KRT86: variants seen among roughly 807,000 people sequenced by gnomAD.
KRT86 encodes the protein keratin 86, also known as keratin, type II cuticular Hb6.
KRT86 carries 30 observed loss-of-function variants against 41.2 expected under a neutral mutation model. That is an observed-to-expected ratio of 0.73 (90% CI 0.54 to 0.99). The LOEUF is 0.99. Among genes scored for constraint, KRT86 ranks in the 50% least tolerant of loss-of-function variants. The probability of loss-of-function intolerance (pLI) is 0.00; values close to 1 mark genes in which losing one functional copy is unlikely to be tolerated. For missense variants in KRT86, 561 were observed against 571.4 expected (o/e 0.98, Z 0.19); for synonymous variants, 238 against 238.1 (o/e 1.00, Z 0.00).
chr12:52,285,553 T>G (rs1267761338), intron 2 of KRT86, among the ~76,000 whole-genome samples: 1 of 152,204 alleles, frequency 6.6e-6, no homozygotes, highest in Non-Finnish European at 1.5e-5. Context: ...TTTGCAGATA[T>G]GCATGAGATG....
At chr12:52,288,212 C>T (rs897170212) in intron 2 of KRT86, 19 of 1,592,664 alleles carry the variant, frequency 1.2e-5, no homozygotes, top group African/African-American at 5.4e-5. Context: ...GTCCTGACTC[C>T]ACCTCCTCAG....
chr12:52,307,948 A>G (rs1938553944), intron 9 of KRT86, among the ~76,000 whole-genome samples: 1 of 152,182 alleles, frequency 6.6e-6, no homozygotes, highest in African/African-American at 2.4e-5. Context: ...AGTCCTCGCA[A>G]GAGATCTACG....
At chr12:52,285,757 A>C (rs1041238856) in intron 2 of KRT86, among the ~76,000 whole-genome samples, 4 of 152,224 alleles carry the variant, frequency 2.6e-5, no homozygotes, top group Non-Finnish European at 5.9e-5. Flanking sequence ...GGGGCCTAGC[A>C]CAACTCTTGG....
At position 52,295,071 on chromosome 12, in the gene KRT86, C is replaced by T. The variant is rs529470906; in HGVS notation, c.-4-6842C>T. On this transcript the variant is annotated intron_variant, in intron 2 of 10. Coordinates refer to ENST00000423955, the MANE Select transcript of KRT86 (RefSeq NM_001320198.2). ...ATTGAACAGAGCTGCTATGAACATC[C>T]TTTCTCATGTCTTCTGGTGCATTTA... Among the ~76,000 whole-genome samples the T allele has an allele frequency of 3.9e-5, 6 of 152,234 alleles. No homozygotes were observed. The South Asian group carries it at 1.2e-3, about 32-fold the overall frequency.
intron 2 of KRT86, chr12:52,291,681 G>A (rs988881327): frequency 1.5e-6 from 1 of 656,370 alleles, no homozygotes; most frequent in Non-Finnish European, 2.5e-6. Flanking sequence ...ATGGGGGAGT[G>A]GCCTGCACCC....
intron 2 of KRT86, chr12:52,287,918 A>G (rs1303463797): frequency 2.5e-6 from 4 of 1,613,254 alleles, no homozygotes; most frequent in African/African-American, 2.7e-5. Context: ...AAGGAAGCCT[A>G]TTTAATAGAT....
chr12:52,301,333 G>A (rs1938368211), intron 2 of KRT86, among the ~76,000 whole-genome samples: 2 of 152,064 alleles, frequency 1.3e-5, no homozygotes, highest in Non-Finnish European at 2.9e-5. Flanking sequence ...TCCCTGAGAA[G>A]GTGACTAAGT....
At chr12:52,282,799 T>A (rs903511462) in intron 2 of KRT86, among the ~76,000 whole-genome samples, 1 of 152,228 alleles carries the variant, frequency 6.6e-6, no homozygotes, top group African/African-American at 2.4e-5. Flanking sequence ...GTACCCACAC[T>A]GCACTCACAT....
chr12:52,305,495 C>G (rs1938489310), intron 7 of KRT86, 91 bp downstream of exon 7: 1 of 1,606,224 alleles, frequency 6.2e-7, no homozygotes, highest in Admixed American at 1.7e-5. Flanking sequence ...TGGGGATGCA[C>G]TAGGGATGAG....
At position 52,308,570 on chromosome 12, in the gene KRT86, C is replaced by T; in HGVS notation, c.1446C>T (p.Ser482=). Residue 482 remains serine (S), a synonymous_variant, in exon 11 of 11, where the codon AGC becomes AGT. Coordinates refer to ENST00000423955, the MANE Select transcript of KRT86 (RefSeq NM_001320198.2). ...CCCGGGTTGGCGTCTGCGGCGGCAGCTGTAAGAGGTGCTAGGAGGCTGCCG... is the reference window on the plus strand; with the variant it reads ...CCCGGGTTGGCGTCTGCGGCGGCAGTTGTAAGAGGTGCTAGGAGGCTGCCG... ...PSARVGVCGG[S]CKRC 1 of 1,598,728 alleles carries T rather than the reference C, an allele frequency of 6.3e-7. No individual in the cohort carries two copies. The highest frequency in any genetic ancestry group is 8.5e-7 in the Non-Finnish European group (1 of 1,179,706).
rs1260412917 is a variant in KRT86, at chr12:52,305,315, A to G, written c.811A>G (p.Met271Val). ...GCTGGACAACAGCCGGGACCTGAAC[A>G]TGGACTGCATCATTGCCGAGATCAA... ...VKLDNSRDLN[M>V]DCIIAEIKAQ... The change falls in exon 7 of 11, where the codon ATG (methionine) becomes GTG (valine). Residue 271 changes from methionine to valine, a missense_variant. Physicochemically the swap from Met to Val is conservative, Grantham distance 21 (BLOSUM62 1). This residue lies in a region of KRT86 where 397 missense variants were observed against 375.9 expected (regional missense o/e 1.06). Transcript: ENST00000423955. The G allele has an allele frequency of 2.5e-6, 4 of 1,614,242 alleles. No homozygotes were observed. The highest frequency in any genetic ancestry group is 2.5e-6 in the Non-Finnish European group (3 of 1,180,042).
intron 2 of KRT86, chr12:52,288,357 G>C (rs12812669): frequency 9.3e-6 from 15 of 1,613,608 alleles, no homozygotes; most frequent in African/African-American, 6.7e-5. Context: ...CCCTGAGCCC[G>C]CACCTCCTCA....
chr12:52,302,043 G>C lies in KRT86; in HGVS notation c.127G>C (p.Gly43Arg), dbSNP rs779794188. The C allele has an allele frequency of 3.1e-6, 5 of 1,608,034 alleles. No individual in the cohort carries two copies. Among genetic ancestry groups the C allele is most frequent in the Admixed American group, 1.7e-5 (1 of 59,654 alleles). Residue 43 changes from glycine (G) to arginine (R), a missense_variant, in exon 3 of 11, where the codon GGG becomes CGG. Physicochemically the swap from Gly to Arg is moderately radical, Grantham distance 125. Transcript: ENST00000423955. Reference sequence around the variant, plus strand: ...CATCTCCTGCTACCGCGGCCTCACCGGGGGCTTCGGCAGCCACAGCGTGTG... The same window carrying C: ...CATCTCCTGCTACCGCGGCCTCACCCGGGGCTTCGGCAGCCACAGCGTGTG... ...RGISCYRGLTGGFGSHSVCGG... is the reference protein window; with the variant it reads ...RGISCYRGLTRGFGSHSVCGG...
intron 2 of KRT86, chr12:52,286,314 A>G (rs1024142847): frequency 1.3e-6 from 2 of 1,554,440 alleles, no homozygotes; most frequent in Non-Finnish European, 1.7e-6. Context: ...ATACCACAGG[A>G]GCCCACGCCG....
chr12:52,285,628 C>T (rs1357641998), intron 2 of KRT86, among the ~76,000 whole-genome samples: 1 of 152,184 alleles, frequency 6.6e-6, no homozygotes, highest in Non-Finnish European at 1.5e-5. Context: ...GCTTAAACCC[C>T]AGATGAACCA....
rs573751348 is a variant in KRT86, at chr12:52,306,193, G to A, written c.1160G>A (p.Arg387Lys). 1.6e-4 allele frequency: 256 copies of A among 1,613,850 alleles called. 2 individuals are homozygous for A. The South Asian group carries it at 2.6e-3, about 17-fold the overall frequency. Residue 387 changes from arginine (R) to lysine (K), a missense_variant, in exon 9 of 11, where the codon AGG (arginine) becomes AAG (lysine). Arg to Lys is a conservative substitution (Grantham distance 26, BLOSUM62 2). This residue lies in a region of KRT86 where 397 missense variants were observed against 375.9 expected (regional missense o/e 1.06). Transcript: ENST00000423955. ...KAKQDMACLIREYQEVMNSKL... is the reference protein window; with the variant it reads ...KAKQDMACLIKEYQEVMNSKL... ...AAGCAGGACATGGCCTGCCTGATCA[G>A]GGAGTACCAGGAGGTGATGAACTCC... is the stretch of plus-strand genomic sequence containing the variant.
At chr12:52,288,258 G>A in intron 2 of KRT86, 1 of 1,600,356 alleles carries the variant, frequency 6.2e-7, no homozygotes, top group Non-Finnish European at 8.5e-7. Context: ...CCCTCACACA[G>A]CCTCAGGGAC....
chr12:52,296,826 A>G (rs2121275821), intron 2 of KRT86, among the ~76,000 whole-genome samples: 1 of 152,340 alleles, frequency 6.6e-6, no homozygotes, highest in Middle Eastern at 3.4e-3. Flanking sequence ...GCCAGCTGCA[A>G]GGTTAGTAAG....
intron 2 of KRT86, chr12:52,291,478 C>G (rs148003777): frequency 2.5e-6 from 4 of 1,612,486 alleles, no homozygotes; most frequent in African/African-American, 1.3e-5. Flanking sequence ...TCCTCCTGGA[C>G]GTTTGGGTTG....
Sources: gnomAD v4.1 joint callset for allele counts (sites outside exome capture counted in the v4.1 genomes callset) on GRCh38, gnomAD v4.1.1 for gene constraint, gnomAD v4.1.1 regional missense constraint, MANE v1.5 for transcripts, NCBI Gene and HGNC (gene_info 2026-07-23, HGNC 2026-07-21) for gene names.